Variants in R3HCC1L observed in about 807,000 individuals in gnomAD.
The protein encoded by R3HCC1L is coiled-coil domain-containing protein R3HCC1L.
A neutral mutation model predicts 59.9 loss-of-function variants in R3HCC1L; 51 were observed. The ratio of observed to expected loss-of-function variants is 0.85; its 90% CI spans 0.68 to 1.07. The LOEUF is 1.07. Among genes scored for constraint, R3HCC1L ranks in the 50% least tolerant of loss-of-function variants. R3HCC1L has a pLI of 0.00. For synonymous variants in R3HCC1L, 322 were observed against 315.2 expected (o/e 1.02, Z -0.23); for missense variants, 965 against 933.0 (o/e 1.03, Z -0.45).
intron 4 of R3HCC1L, among the ~76,000 whole-genome samples, chr10:98,177,312 A>G (rs1044938324): frequency 4.6e-5 from 7 of 152,216 alleles, no homozygotes; most frequent in Non-Finnish European, 7.3e-5. Context: ...TAGTTTGCTC[A>G]GAATGATGGT....
chr10:98,163,986 T>C (rs1220974966), intron 4 of R3HCC1L, among the ~76,000 whole-genome samples: 1 of 152,200 alleles, frequency 6.6e-6, no homozygotes, highest in Non-Finnish European at 1.5e-5. Flanking sequence ...ACCTGCTGTT[T>C]TGTGAGAGGC....
rs1444638466 is a variant in R3HCC1L at position 98,163,348 on chromosome 10, T to G, written c.-64T>G. The stretch of plus-strand genomic sequence containing the variant: ...ACAGTTTGCCTTCAGAGACAGTCTA[T>G]CGGCATGTTGTAGAGTTTTATTACT... On this transcript the variant is annotated 5_prime_UTR_variant, in exon 4 of 10. Coordinates refer to ENST00000298999, the MANE Select transcript of R3HCC1L (RefSeq NM_001351015.2). 1.5e-6 allele frequency: 2 copies of G among 1,295,374 alleles called. No homozygotes were observed. The highest frequency in any genetic ancestry group is 1.5e-5 in the African/African-American group (1 of 66,290). The allele number at this position is 1,295,374 out of a possible 1,614,324, so 80.2% of individuals were successfully genotyped here. A position where few individuals can be genotyped will look rare whatever the true frequency, so the allele number is the denominator to read the frequency against.
chr10:98,163,303 T>G lies in R3HCC1L; in HGVS notation c.-109T>G, dbSNP rs1183011538. On this transcript the variant is annotated 5_prime_UTR_variant, in exon 4 of 10. Transcript: ENST00000298999. ...ATTACTATTTTTCAGGTGAGGCTGC[T>G]GTCAGAAAGGAACTTTTACACAGTT... 2 of 742,960 alleles carry G rather than the reference T, an allele frequency of 2.7e-6. No individual in the cohort carries two copies. Among genetic ancestry groups the G allele is most frequent in the Non-Finnish European group, 3.9e-6 (2 of 509,016 alleles). The allele number at this position is 742,960 out of a possible 1,614,324, so 46.0% of individuals were successfully genotyped here. A position where few individuals can be genotyped will look rare whatever the true frequency, so the allele number is the denominator to read the frequency against.
chr10:98,220,824 T>C (rs1854834163), intron 5 of R3HCC1L, among the ~76,000 whole-genome samples: 1 of 150,352 alleles, frequency 6.7e-6, no homozygotes. Flanking sequence ...TTGTGAATAA[T>C]GCCGCAATAA....
At chr10:98,141,945 T>C (rs753240751) in intron 1 of R3HCC1L, among the ~76,000 whole-genome samples, 1 of 152,058 alleles carries the variant, frequency 6.6e-6, no homozygotes, top group Non-Finnish European at 1.5e-5. Flanking sequence ...GGGTGGGAGG[T>C]AGCAAGTTAA....
intron 4 of R3HCC1L, among the ~76,000 whole-genome samples, chr10:98,173,023 A>T (rs1848666343): frequency 6.6e-6 from 1 of 152,164 alleles, no homozygotes; most frequent in Admixed American, 6.5e-5. Context: ...TTTTATATAA[A>T]TTCTTGTTTT....
intron 5 of R3HCC1L, among the ~76,000 whole-genome samples, chr10:98,215,249 A>G (rs1854041764): frequency 6.6e-6 from 1 of 152,230 alleles, no homozygotes; most frequent in Admixed American, 6.5e-5. Context: ...ATGACTAGAA[A>G]AAAAAGAGTA....
At position 98,174,732 on chromosome 10, in the gene R3HCC1L, A is replaced by G. The variant is rs539257354; in HGVS notation, c.-15+11335A>G. 2.7e-5 allele frequency: 27 copies of G among 984,104 alleles called. 1 individual carries two copies. The African/African-American group carries it at 3.7e-4, about 13-fold the overall frequency. The allele number at this position is 984,104 out of a possible 1,614,324, so 61.0% of individuals were successfully genotyped here. A position where few individuals can be genotyped will look rare whatever the true frequency, so the allele number is the denominator to read the frequency against. On this transcript the variant is annotated intron_variant, in intron 4 of 9. Coordinates refer to ENST00000298999, the MANE Select transcript of R3HCC1L (RefSeq NM_001351015.2). ...GATAGAAGTATTATTGAAATTGTAGATTGACACCAAATCATGGAAAATCTT... is the reference window on the plus strand; with the variant it reads ...GATAGAAGTATTATTGAAATTGTAGGTTGACACCAAATCATGGAAAATCTT...
chr10:98,191,674 A>G (rs1200651476), intron 4 of R3HCC1L, among the ~76,000 whole-genome samples: 2 of 152,094 alleles, frequency 1.3e-5, no homozygotes, highest in Non-Finnish European at 2.9e-5. Context: ...CCATTTGTCA[A>G]TTTTGGCTTT....
At chr10:98,151,310 T>C (rs962428837) in intron 1 of R3HCC1L, among the ~76,000 whole-genome samples, 1 of 152,170 alleles carries the variant, frequency 6.6e-6, no homozygotes, top group African/African-American at 2.4e-5. Flanking sequence ...ATGATCTCTT[T>C]AGTGCATTGT....
intron 1 of R3HCC1L, among the ~76,000 whole-genome samples, chr10:98,134,950 G>A (rs996688996): frequency 1.3e-5 from 2 of 152,188 alleles, no homozygotes; most frequent in African/African-American, 4.8e-5. Flanking sequence ...GCACTCACTG[G>A]GGCTCGTGCT....
intron 4 of R3HCC1L, among the ~76,000 whole-genome samples, chr10:98,195,513 G>A (rs913763835): frequency 6.7e-6 from 1 of 150,156 alleles, no homozygotes; most frequent in African/African-American, 2.4e-5. Flanking sequence ...ATGTTACAGT[G>A]GTTTTCTCTG....
intron 5 of R3HCC1L, among the ~76,000 whole-genome samples, chr10:98,212,498 T>A (rs1853698675): frequency 6.6e-6 from 1 of 152,146 alleles, no homozygotes; most frequent in Admixed American, 6.6e-5. Flanking sequence ...GGTTAGAGTA[T>A]AAGTAGGTCA....
At position 98,200,581 on chromosome 10, in the gene R3HCC1L, A is replaced by G. The variant is rs147157003; in HGVS notation, c.-14-7520A>G. 3.9e-3 allele frequency among the ~76,000 whole-genome samples: 588 copies of G among 152,248 alleles called. 5 individuals are homozygous for G. The highest frequency in any genetic ancestry group is 0.013 in the African/African-American group (530 of 41,564). ...ATTAAGTAAACTAAGGCTTAGAGCAATAACTTTTGTAGTATAGAATCTGGC... is the reference window on the plus strand; with the variant it reads ...ATTAAGTAAACTAAGGCTTAGAGCAGTAACTTTTGTAGTATAGAATCTGGC... On this transcript the variant is annotated intron_variant, in intron 4 of 9. Coordinates refer to ENST00000298999, the MANE Select transcript of R3HCC1L (RefSeq NM_001351015.2).
chr10:98,166,898 C>T (rs10786399), intron 4 of R3HCC1L, among the ~76,000 whole-genome samples: 102,363 of 151,794 alleles, frequency 0.67, 34,695 homozygotes, highest in African/African-American at 0.76. Context: ...ATCTCCTGAC[C>T]TCCTGATCTG....
chr10:98,165,948 G>C (rs980942517), intron 4 of R3HCC1L, among the ~76,000 whole-genome samples: 3 of 152,154 alleles, frequency 2.0e-5, no homozygotes, highest in Non-Finnish European at 4.4e-5. Flanking sequence ...AAGGCGGGTG[G>C]CTCACCTGAG....
At chr10:98,236,326 T>A (rs1856956420) in intron 9 of R3HCC1L, among the ~76,000 whole-genome samples, 162 bp downstream of exon 9, 1 of 152,192 alleles carries the variant, frequency 6.6e-6, no homozygotes, top group South Asian at 2.1e-4. Context: ...CAGGAGAAGA[T>A]GTTTCAGGAT....
At chr10:98,237,826 T>C (rs546346054) in intron 9 of R3HCC1L, among the ~76,000 whole-genome samples, 4 of 152,344 alleles carry the variant, frequency 2.6e-5, no homozygotes, top group African/African-American at 4.8e-5. Flanking sequence ...CAGATACTTA[T>C]ATGCTTGCCT....
chr10:98,196,030 A>G (rs193194851), intron 4 of R3HCC1L, among the ~76,000 whole-genome samples: 98 of 152,348 alleles, frequency 6.4e-4, no homozygotes, highest in African/African-American at 1.9e-3. Flanking sequence ...TTATTTATGT[A>G]TAAATACTGA....
Sources: allele counts gnomAD v4.1 joint callset (sites outside exome capture counted in the v4.1 genomes callset), GRCh38; gene constraint gnomAD v4.1.1; transcripts MANE v1.5; gene names NCBI Gene and HGNC (gene_info 2026-07-23, HGNC 2026-07-21).